TNKS: variants seen among roughly 807,000 people sequenced by gnomAD.
The protein encoded by TNKS is poly [ADP-ribose] polymerase tankyrase-1.
TNKS carries 72 observed loss-of-function variants against 135.8 expected under a neutral mutation model. That is an observed-to-expected ratio of 0.53 (90% CI 0.44 to 0.64). The LOEUF is 0.64. Among genes scored for constraint, TNKS ranks in the 30% least tolerant of loss-of-function variants. The pLI is 0.00. For synonymous variants in TNKS, 849 were observed against 649.3 expected (o/e 1.31, Z -4.68); for missense variants, 1,769 against 1,674.0 (o/e 1.06, Z -0.99).
At chr8:9,556,667 G>C in intron 1 of TNKS, 55 bp downstream of exon 1, 1 of 1,599,440 alleles carries the variant, frequency 6.3e-7, no homozygotes, top group Non-Finnish European at 8.5e-7. Context: ...GCAGGGTCCG[G>C]TTAGGACAAG....
intron 20 of TNKS, among the ~76,000 whole-genome samples, chr8:9,756,724 A>G (rs1051927248): frequency 3.9e-5 from 6 of 152,110 alleles, no homozygotes; most frequent in African/African-American, 4.8e-5. Flanking sequence ...TTTTGGAATA[A>G]TCTTACTTTC....
At chr8:9,734,304 T>C (rs1367478994) in intron 15 of TNKS, among the ~76,000 whole-genome samples, 1 of 152,188 alleles carries the variant, frequency 6.6e-6, no homozygotes, top group Non-Finnish European at 1.5e-5. Flanking sequence ...TTACTTTATT[T>C]AATAGCTATT....
chr8:9,616,592 A>G (rs1207164907), intron 3 of TNKS, among the ~76,000 whole-genome samples: 1 of 152,222 alleles, frequency 6.6e-6, no homozygotes, highest in Non-Finnish European at 1.5e-5. Context: ...AATTTAGCAA[A>G]AATACTGAGG....
chr8:9,781,565 A>G lies in TNKS; in HGVS notation c.*4829A>G, dbSNP rs1014318724. 1 of 152,424 alleles carries G rather than the reference A, an allele frequency of 6.6e-6. No individual in the cohort carries two copies. Among genetic ancestry groups the G allele is most frequent in the African/African-American group, 2.4e-5 (1 of 41,446 alleles). 9.4% of individuals were successfully genotyped at this position (152,424 alleles called of 1,614,324 possible). A position where few individuals can be genotyped will look rare whatever the true frequency, so the allele number is the denominator to read the frequency against. Reference sequence around the variant, plus strand: ...AAACACTGAAACTCTTCATGTGCATATAACACCTGCTTCTGCTCCCATTGT... The same window carrying G: ...AAACACTGAAACTCTTCATGTGCATGTAACACCTGCTTCTGCTCCCATTGT... On this transcript the variant is annotated 3_prime_UTR_variant, in exon 27 of 27. Coordinates refer to ENST00000310430, the MANE Select transcript of TNKS (RefSeq NM_003747.3).
intron 3 of TNKS, among the ~76,000 whole-genome samples, chr8:9,662,766 AAG>A (rs950179053): frequency 7.9e-5 from 12 of 152,224 alleles, no homozygotes; most frequent in African/African-American, 2.9e-4. Context: ...TTTTTAAAAA[AAG>A]TATGTACTTT....
chr8:9,690,402 C>T (rs370130502), intron 5 of TNKS, among the ~76,000 whole-genome samples: 1 of 152,184 alleles, frequency 6.6e-6, no homozygotes, highest in African/African-American at 2.4e-5. Context: ...TCTCCCTTCC[C>T]TTCTCTTTCT....
intron 17 of TNKS, chr8:9,741,772 C>T (rs138960920): frequency 2.0e-6 from 1 of 493,926 alleles, no homozygotes; most frequent in South Asian, 1.5e-5. Flanking sequence ...ACTGGTCGAC[C>T]TTGTCTAACT....
intron 5 of TNKS, among the ~76,000 whole-genome samples, chr8:9,683,512 T>G (rs1802867379): frequency 6.6e-6 from 1 of 151,982 alleles, no homozygotes; most frequent in African/African-American, 2.4e-5. Context: ...TACTGTATTA[T>G]TGCTTAACTG....
intron 1 of TNKS, among the ~76,000 whole-genome samples, chr8:9,560,922 C>G (rs1016668900): frequency 6.6e-6 from 1 of 151,674 alleles, no homozygotes; most frequent in African/African-American, 2.4e-5. Flanking sequence ...TTTCTTTTAC[C>G]TCAATGATAC....
chr8:9,639,521 T>TG (rs1245457239), intron 3 of TNKS, among the ~76,000 whole-genome samples: 1 of 147,800 alleles, frequency 6.8e-6, no homozygotes, highest in African/African-American at 2.4e-5. Context: ...ATCTAAGCCT[T>TG]TTTTTTTTTT....
At chr8:9,657,690 C>T (rs1267219788) in intron 3 of TNKS, among the ~76,000 whole-genome samples, 4 of 89,430 alleles carry the variant, frequency 4.5e-5, no homozygotes, top group Non-Finnish European at 7.1e-5. Flanking sequence ...GGTGGCTGGC[C>T]GGGCTGAGGG....
rs1281912478 is a variant in TNKS at position 9,780,997 on chromosome 8, T to C, written c.*4261T>C. 1 of 152,164 alleles carries C rather than the reference T, an allele frequency of 6.6e-6. No individual in the cohort carries two copies. The highest frequency in any genetic ancestry group is 1.5e-5 in the Non-Finnish European group (1 of 68,032). 9.4% of individuals were successfully genotyped at this position (152,164 alleles called of 1,614,324 possible). A position where few individuals can be genotyped will look rare whatever the true frequency, so the allele number is the denominator to read the frequency against. On this transcript the variant is annotated 3_prime_UTR_variant, in exon 27 of 27. Transcript: ENST00000310430. ...GAATATGAGTGATATGCAAGCTGTG[T>C]TTTTTAATTGTTTTAAAATGTAAAT...
chr8:9,601,454 T>G (rs1161351066), intron 2 of TNKS, among the ~76,000 whole-genome samples: 2 of 152,170 alleles, frequency 1.3e-5, no homozygotes, highest in Admixed American at 1.3e-4. Flanking sequence ...TTGGCCAAAC[T>G]TTTTAAGTCC....
Position 9,733,274 on chromosome 8 carries a change from T to C in TNKS, c.2148-5T>C, listed in dbSNP as rs1311637862. On this transcript the variant is annotated splice_polypyrimidine_tract_variant and splice_region_variant and intron_variant, in intron 14 of 26. Coordinates refer to ENST00000310430, the MANE Select transcript of TNKS (RefSeq NM_003747.3). ...ATGACTTTAAAATAACTTTCTTTTGTTTAGTGGCTTGGTGCCCCTTCATAA... is the reference window on the plus strand; with the variant it reads ...ATGACTTTAAAATAACTTTCTTTTGCTTAGTGGCTTGGTGCCCCTTCATAA... 2 of 1,553,424 alleles carry C rather than the reference T, an allele frequency of 1.3e-6. No individual in the cohort carries two copies. Among genetic ancestry groups the C allele is most frequent in the Admixed American group, 4.5e-5 (2 of 44,608 alleles).
At chr8:9,627,081 A>G (rs1484590817) in intron 3 of TNKS, among the ~76,000 whole-genome samples, 3 of 152,120 alleles carry the variant, frequency 2.0e-5, no homozygotes, top group Admixed American at 2.0e-4. Context: ...AGTGGCCAGT[A>G]GTTTAATCAG....
At chr8:9,577,640 A>G (rs893595036) in intron 1 of TNKS, among the ~76,000 whole-genome samples, 4 of 152,156 alleles carry the variant, frequency 2.6e-5, no homozygotes, top group African/African-American at 9.7e-5. Context: ...TGCCTCCATG[A>G]TCCACTCACC....
At position 9,706,189 on chromosome 8, in the gene TNKS, G is replaced by T; in HGVS notation, c.1205G>T (p.Gly402Val). 6.4e-7 allele frequency: 1 copy of T among 1,565,102 alleles called. No individual in the cohort carries two copies. Among genetic ancestry groups the T allele is most frequent in the Non-Finnish European group, 8.6e-7 (1 of 1,160,894 alleles). Residue 402 changes from glycine to valine, a missense_variant and splice_region_variant, in exon 7 of 27, where the codon GGA becomes GTA. Transcript: ENST00000310430. ...TTAATTTGCCTCTTTTCATTTAGTG[G>T]ACTTGTGCCTCTTCATAATGCATGT... is the stretch of plus-strand genomic sequence containing the variant. ...GADVHAKDKG[G>V]LVPLHNACSY...
chr8:9,645,194 A>G (rs910700832), intron 3 of TNKS, among the ~76,000 whole-genome samples: 1 of 151,964 alleles, frequency 6.6e-6, no homozygotes, highest in East Asian at 1.9e-4. Flanking sequence ...GATCTGGTCT[A>G]AGGAGGACAA....
intron 3 of TNKS, among the ~76,000 whole-genome samples, chr8:9,668,741 CAA>C (rs1314665409): frequency 6.6e-6 from 1 of 151,980 alleles, no homozygotes; most frequent in Non-Finnish European, 1.5e-5. Flanking sequence ...TCAACATGAG[CAA>C]AGACATTCAG....
Sources: gnomAD v4.1 joint callset for allele counts (sites outside exome capture counted in the v4.1 genomes callset) on GRCh38, gnomAD v4.1.1 for gene constraint, MANE v1.5 for transcripts, NCBI Gene and HGNC (gene_info 2026-07-23, HGNC 2026-07-21) for gene names.